Variants in REEP1 observed in about 807,000 individuals in gnomAD.
The protein encoded by REEP1 is receptor expression-enhancing protein 1.
Under a neutral mutation model 40.3 loss-of-function variants are expected in REEP1, and 22 were observed. That is an observed-to-expected ratio of 0.55 (90% CI 0.39 to 0.78). The LOEUF (loss-of-function observed/expected upper bound fraction) is 0.78. REEP1 is among the 30% of genes least tolerant of loss of function. REEP1 has a pLI of 0.00. For missense variants in REEP1, 280 were observed against 361.1 expected, an observed-to-expected ratio of 0.78 and a Z score of 1.82; for synonymous variants, 116 against 139.2, an observed-to-expected ratio of 0.83 and a Z score of 1.17.
chr2:86,286,167 C>T (rs57786125), intron 1 of REEP1, among the ~76,000 whole-genome samples: 16,145 of 152,166 alleles, frequency 0.11, 1,670 homozygotes, highest in African/African-American at 0.26. Context: ...ATTCAGGTTG[C>T]CTCCCCACCC....
intron 1 of REEP1, chr2:86,336,587 A>G (rs1394390894): frequency 6.6e-6 from 1 of 152,338 alleles, no homozygotes; most frequent in Non-Finnish European, 1.5e-5. Flanking sequence ...AAGAACAGGG[A>G]CTTGGAACAG....
At chr2:86,334,651 C>T (rs78580090) in intron 1 of REEP1, among the ~76,000 whole-genome samples, 6,396 of 152,164 alleles carry the variant, frequency 0.042, 171 homozygotes, top group East Asian at 0.062. Flanking sequence ...TGTATTTTAT[C>T]TAGAACCCCA....
chr2:86,237,120 G>A (rs1309430194), intron 5 of REEP1, among the ~76,000 whole-genome samples: 1 of 152,160 alleles, frequency 6.6e-6, no homozygotes, highest in African/African-American at 2.4e-5. Flanking sequence ...CATTGTCAAC[G>A]CCTACACATA....
intron 1 of REEP1, among the ~76,000 whole-genome samples, chr2:86,318,198 A>T: frequency 6.6e-6 from 1 of 152,134 alleles, no homozygotes; most frequent in Non-Finnish European, 1.5e-5. Context: ...CAAGTTTCCA[A>T]ATGACCAATG....
At chr2:86,227,888 A>G (rs1472834320) in intron 6 of REEP1, among the ~76,000 whole-genome samples, 3 of 152,190 alleles carry the variant, frequency 2.0e-5, no homozygotes, top group Non-Finnish European at 4.4e-5. Flanking sequence ...GGTGCTCACT[A>G]AATACATGCT....
intron 5 of REEP1, among the ~76,000 whole-genome samples, chr2:86,244,991 C>T (rs35160687): frequency 0.34 from 50,915 of 151,968 alleles, 9,722 homozygotes; most frequent in Non-Finnish European, 0.44. Flanking sequence ...CTAAACAATA[C>T]AAAAACTAGC....
chr2:86,273,302 G>A (rs1216662023), intron 2 of REEP1, among the ~76,000 whole-genome samples: 1 of 144,622 alleles, frequency 6.9e-6, no homozygotes, highest in African/African-American at 2.6e-5. Context: ...TTTTTTTTGA[G>A]GGGGACAGGG....
chr2:86,224,852 T>C (rs1232238557), intron 7 of REEP1, among the ~76,000 whole-genome samples: 1 of 152,122 alleles, frequency 6.6e-6, no homozygotes. Context: ...AACCACCAGA[T>C]GTCATGGCAG....
intron 1 of REEP1, among the ~76,000 whole-genome samples, chr2:86,290,747 G>A (rs1029887850): frequency 4.6e-5 from 7 of 152,130 alleles, no homozygotes; most frequent in Admixed American, 3.3e-4. Context: ...AGGGAACATC[G>A]TCACTCACGA....
chr2:86,315,147 C>T (rs545680326), intron 1 of REEP1, among the ~76,000 whole-genome samples: 5 of 152,158 alleles, frequency 3.3e-5, no homozygotes, highest in South Asian at 4.1e-4. Context: ...CTCTTAGAGA[C>T]GTAGAAGATG....
chr2:86,237,318 C>T (rs1675414756), intron 5 of REEP1, among the ~76,000 whole-genome samples: 1 of 151,976 alleles, frequency 6.6e-6, no homozygotes, highest in African/African-American at 2.4e-5. Flanking sequence ...AATGAAAATC[C>T]CAGAAACAAC....
At chr2:86,328,975 C>G (rs1680636441) in intron 1 of REEP1, among the ~76,000 whole-genome samples, 1 of 152,148 alleles carries the variant, frequency 6.6e-6, no homozygotes, top group Non-Finnish European at 1.5e-5. Context: ...CTCTTGGTAC[C>G]CGGGTTCCAG....
At chr2:86,259,878 C>A (rs987671244) in intron 3 of REEP1, among the ~76,000 whole-genome samples, 2 of 151,928 alleles carry the variant, frequency 1.3e-5, no homozygotes, top group African/African-American at 4.8e-5. Context: ...TGGGGGTGAG[C>A]GAAGAGTGAG....
intron 7 of REEP1, among the ~76,000 whole-genome samples, chr2:86,225,378 T>C (rs2103993509): frequency 6.6e-6 from 1 of 152,336 alleles, no homozygotes; most frequent in Admixed American, 6.5e-5. Context: ...TTCAAGCGAT[T>C]GTCCTGCCTC....
chr2:86,251,955 A>G lies in REEP1; in HGVS notation c.417+2T>C. Reference sequence around the variant, plus strand: ...GTAGTTGTGGTACTTCCAGCACAGTACCTTGGAAGCAGCCATCACAGCCGC... The same window carrying G: ...GTAGTTGTGGTACTTCCAGCACAGTGCCTTGGAAGCAGCCATCACAGCCGC... On this transcript the variant is annotated splice_donor_variant, in intron 5 of 8. Transcript: ENST00000538924. LOFTEE classifies it high-confidence loss of function. The G allele has an allele frequency of 6.2e-7, 1 of 1,606,248 alleles. No homozygotes were observed. Among genetic ancestry groups the G allele is most frequent in the Non-Finnish European group, 8.5e-7 (1 of 1,173,302 alleles).
At chr2:86,239,907 A>G (rs1445237323) in intron 5 of REEP1, 1 of 152,398 alleles carries the variant, frequency 6.6e-6, no homozygotes, top group Admixed American at 6.5e-5. Flanking sequence ...GTGCCGAGGC[A>G]GGGGGGACAC....
chr2:86,266,312 T>C (rs1677128978), intron 2 of REEP1, among the ~76,000 whole-genome samples: 1 of 152,238 alleles, frequency 6.6e-6, no homozygotes, highest in African/African-American at 2.4e-5. Flanking sequence ...GATCAGGCAA[T>C]GCTTTCTTAG....
intron 5 of REEP1, among the ~76,000 whole-genome samples, chr2:86,245,981 G>T (rs560170712): frequency 6.6e-6 from 1 of 151,992 alleles, no homozygotes; most frequent in African/African-American, 2.4e-5. Context: ...AGCCAGGATG[G>T]TCTCGATCTC....
chr2:86,321,227 T>A (rs1436187472), intron 1 of REEP1, among the ~76,000 whole-genome samples: 1 of 152,198 alleles, frequency 6.6e-6, no homozygotes, highest in Non-Finnish European at 1.5e-5. Flanking sequence ...TATTGTTAAC[T>A]AAATAAATTT....
Sources: gnomAD v4.1 joint callset for allele counts (sites outside exome capture counted in the v4.1 genomes callset) on GRCh38, gnomAD v4.1.1 for gene constraint, MANE v1.5 for transcripts, NCBI Gene and HGNC (gene_info 2026-07-23, HGNC 2026-07-21) for gene names.